Variants in VPS13B observed in about 807,000 individuals in gnomAD.
VPS13B encodes intermembrane lipid transfer protein VPS13B.
VPS13B carries 285 observed loss-of-function variants against 426.4 expected under a neutral mutation model. That is an observed-to-expected ratio of 0.67 (90% CI 0.61 to 0.74). VPS13B has a LOEUF of 0.74. VPS13B is among the 30% of genes least tolerant of loss of function. VPS13B has a pLI of 0.00. For missense variants in VPS13B, 4,537 were observed against 4,782.6 expected (o/e 0.95, Z 1.51); for synonymous variants, 1,676 against 1,676.4 (o/e 1.00, Z 0.01).
At chr8:99,720,608 A>T in intron 38 of VPS13B, 56 bp downstream of exon 38, 1 of 1,558,606 alleles carries the variant, frequency 6.4e-7, no homozygotes, top group East Asian at 2.3e-5. Context: ...TTGCATTTTA[A>T]ATGCATGTTG....
In VPS13B at chr8:99,818,782, AGGAGTCTG is replaced by A; in HGVS notation, c.8519_8526del (p.Ser2840IlefsTer3). On this transcript the variant is annotated frameshift_variant, in exon 47 of 62. Transcript: ENST00000357162. LOFTEE classifies it high-confidence loss of function. ...CCCCATTATCATACATTTGGAGAAA[AGGAGTCTG>A]GGATTGAGTGAAACACAAATTATTC... 6.2e-7 allele frequency: 1 copy of A among 1,614,020 alleles called. No homozygotes were observed.
chr8:99,213,864 C>G (rs991044212), intron 17 of VPS13B, among the ~76,000 whole-genome samples: 1 of 149,572 alleles, frequency 6.7e-6, no homozygotes, highest in African/African-American at 2.5e-5. Context: ...GTTTGGTATC[C>G]TAGCCCGTCA....
chr8:99,637,587 T>TTATTTATA (rs1446672100), intron 33 of VPS13B, among the ~76,000 whole-genome samples: 1 of 152,118 alleles, frequency 6.6e-6, no homozygotes, highest in East Asian at 1.9e-4. Context: ...CCACTGCTGG[T>TTATTTATA]TATTTATAGC....
chr8:99,841,295 A>T (rs1270440790), intron 54 of VPS13B, among the ~76,000 whole-genome samples: 1 of 151,806 alleles, frequency 6.6e-6, no homozygotes, highest in Non-Finnish European at 1.5e-5. Context: ...GCCCCATATT[A>T]CTCCCAGTGT....
intron 3 of VPS13B, among the ~76,000 whole-genome samples, chr8:99,063,451 C>T (rs988976296): frequency 6.6e-6 from 1 of 152,234 alleles, no homozygotes; most frequent in African/African-American, 2.4e-5. Flanking sequence ...CCCATGCCCA[C>T]AGAGCCTTGC....
chr8:99,577,188 A>G (rs1588511773), intron 32 of VPS13B, among the ~76,000 whole-genome samples: 3 of 152,312 alleles, frequency 2.0e-5, no homozygotes, highest in South Asian at 2.1e-4. Context: ...CATATTGAAA[A>G]CAATAATAAT....
At chr8:99,302,025 A>G (rs1820393722) in intron 19 of VPS13B, among the ~76,000 whole-genome samples, 2 of 152,190 alleles carry the variant, frequency 1.3e-5, no homozygotes, top group African/African-American at 4.8e-5. Flanking sequence ...CATAGTGTCA[A>G]ATAAGAGAGC....
chr8:99,330,686 G>C (rs1370035663), intron 19 of VPS13B, among the ~76,000 whole-genome samples: 1 of 151,734 alleles, frequency 6.6e-6, no homozygotes, highest in East Asian at 1.9e-4. Flanking sequence ...GAAAAGTGGA[G>C]GATTAGAAGG....
chr8:99,834,818 CA>C (rs1382546317), intron 52 of VPS13B, among the ~76,000 whole-genome samples: 3 of 152,214 alleles, frequency 2.0e-5, no homozygotes, highest in African/African-American at 7.2e-5. Context: ...CCTTGGCTCC[CA>C]AAGTGCCGGG....
intron 31 of VPS13B, among the ~76,000 whole-genome samples, chr8:99,567,257 G>T (rs906020775): frequency 6.6e-5 from 10 of 151,942 alleles, no homozygotes; most frequent in Admixed American, 6.6e-4. Flanking sequence ...AGTAAAATTA[G>T]ATGACCAGCA....
intron 43 of VPS13B, among the ~76,000 whole-genome samples, chr8:99,793,029 G>C (rs913487113): frequency 2.8e-5 from 4 of 145,030 alleles, no homozygotes; most frequent in South Asian, 2.2e-4. Context: ...AATATGGCAA[G>C]ATCCTGTCTC....
intron 33 of VPS13B, among the ~76,000 whole-genome samples, chr8:99,622,902 T>G (rs1828428575): frequency 1.3e-5 from 2 of 152,186 alleles, no homozygotes; most frequent in Non-Finnish European, 2.9e-5. Flanking sequence ...ACTGTTTGTC[T>G]CTCTTCCAAG....
chr8:99,739,568 C>G (rs189191605), intron 39 of VPS13B, among the ~76,000 whole-genome samples: 53 of 152,338 alleles, frequency 3.5e-4, no homozygotes, highest in African/African-American at 1.2e-3. Context: ...CTGGGAGGCA[C>G]CCCCAAGTGG....
At chr8:99,162,078 T>G (rs1032606564) in intron 15 of VPS13B, among the ~76,000 whole-genome samples, 1 of 152,200 alleles carries the variant, frequency 6.6e-6, no homozygotes, top group Non-Finnish European at 1.5e-5. Flanking sequence ...AATCTTGTCT[T>G]GAATATTTCA....
At chr8:99,481,481 A>G (rs1820035848) in intron 24 of VPS13B, 118 bp from the exon 25 acceptor site, 4 of 1,128,370 alleles carry the variant, frequency 3.5e-6, no homozygotes, top group Non-Finnish European at 5.3e-6. Context: ...GCATTGGTAG[A>G]GTTTGTTTTA....
chr8:99,100,556 C>T (rs915576920), intron 4 of VPS13B, among the ~76,000 whole-genome samples: 1 of 152,086 alleles, frequency 6.6e-6, no homozygotes, highest in African/African-American at 2.4e-5. Flanking sequence ...TCCCAAAGTG[C>T]TGGGATTATA....
At chr8:99,236,244 A>T (rs1468423524) in intron 17 of VPS13B, among the ~76,000 whole-genome samples, 1 of 151,400 alleles carries the variant, frequency 6.6e-6, no homozygotes, top group African/African-American at 2.4e-5. Context: ...TCATTTGTTG[A>T]TGTCAATTTT....
chr8:99,796,269 TAG>T (rs1413000964), intron 43 of VPS13B, among the ~76,000 whole-genome samples: 1 of 151,870 alleles, frequency 6.6e-6, no homozygotes, highest in Non-Finnish European at 1.5e-5. Flanking sequence ...GCACTTTCAG[TAG>T]AGAGAGGGAT....
At chr8:99,218,826 C>T (rs1390961501) in intron 17 of VPS13B, among the ~76,000 whole-genome samples, 2 of 152,196 alleles carry the variant, frequency 1.3e-5, no homozygotes, top group African/African-American at 2.4e-5. Context: ...GTGATGTAAA[C>T]TGGTTGAGTT....
Sources: allele counts gnomAD v4.1 joint callset (sites outside exome capture counted in the v4.1 genomes callset), GRCh38; gene constraint gnomAD v4.1.1; transcripts MANE v1.5; gene names NCBI Gene and HGNC (gene_info 2026-07-23, HGNC 2026-07-21).